CNTN5: variants seen among roughly 807,000 people sequenced by gnomAD.
The protein encoded by CNTN5 is contactin-5.
CNTN5 carries 77 observed loss-of-function variants against 129.1 expected under a neutral mutation model. The observed-to-expected ratio is 0.60, with a 90% CI of 0.50 to 0.72. The LOEUF is 0.72. CNTN5 is among the 30% of genes least tolerant of loss of function. CNTN5 has a pLI of 0.00. For missense variants in CNTN5, 1,478 were observed against 1,328.8 expected (o/e 1.11, Z -1.75); for synonymous variants, 509 against 465.6 (o/e 1.09, Z -1.20).
intron 3 of CNTN5, among the ~76,000 whole-genome samples, chr11:99,694,574 G>T (rs1023117592): frequency 1.1e-4 from 17 of 152,006 alleles, no homozygotes; most frequent in Non-Finnish European, 2.5e-4. Context: ...GAATATGCAG[G>T]TTTGTTACTT....
chr11:99,532,450 T>C (rs1245143081), intron 2 of CNTN5, among the ~76,000 whole-genome samples: 1 of 152,126 alleles, frequency 6.6e-6, no homozygotes, highest in Non-Finnish European at 1.5e-5. Flanking sequence ...TGGGGGACTG[T>C]TGGGAAGGTA....
chr11:99,852,535 G>A (rs1947904963), intron 6 of CNTN5, among the ~76,000 whole-genome samples: 1 of 152,058 alleles, frequency 6.6e-6, no homozygotes, highest in African/African-American at 2.4e-5. Context: ...ATCTGTTTTA[G>A]ACTACCCTCA....
intron 2 of CNTN5, among the ~76,000 whole-genome samples, chr11:99,524,534 G>A (rs186306515): frequency 9.7e-4 from 147 of 152,050 alleles, no homozygotes; most frequent in East Asian, 5.8e-4. Flanking sequence ...CTTATAGGCC[G>A]AGAGCAGTGG....
chr11:100,111,763 T>A (rs1163603320), intron 13 of CNTN5, among the ~76,000 whole-genome samples: 2 of 152,162 alleles, frequency 1.3e-5, no homozygotes, highest in Admixed American at 1.3e-4. Context: ...TTAACCGAAA[T>A]TTTATGCCTG....
intron 3 of CNTN5, among the ~76,000 whole-genome samples, chr11:99,725,793 T>G (rs1024609880): frequency 6.6e-6 from 1 of 152,172 alleles, no homozygotes. Flanking sequence ...CCATTTTGAA[T>G]GGTCCAGTGG....
chr11:99,969,217 G>A (rs758743070), intron 8 of CNTN5, among the ~76,000 whole-genome samples: 10 of 152,162 alleles, frequency 6.6e-5, no homozygotes, highest in Non-Finnish European at 8.8e-5. Flanking sequence ...TACTTAATAC[G>A]TGGTAACAAA....
chr11:99,145,275 G>A (rs1228402144), intron 1 of CNTN5, among the ~76,000 whole-genome samples: 1 of 151,926 alleles, frequency 6.6e-6, no homozygotes, highest in Admixed American at 6.6e-5. Context: ...TCACTATGTT[G>A]GCCAGGCTGG....
chr11:99,338,215 A>C (rs986877791), intron 2 of CNTN5, among the ~76,000 whole-genome samples: 2 of 152,194 alleles, frequency 1.3e-5, no homozygotes, highest in Non-Finnish European at 2.9e-5. Context: ...CTACTCATTT[A>C]AAAATGTTTG....
intron 1 of CNTN5, among the ~76,000 whole-genome samples, chr11:99,268,008 G>A (rs895105825): frequency 6.6e-6 from 1 of 150,958 alleles, no homozygotes; most frequent in African/African-American, 2.4e-5. Flanking sequence ...CCAAGAGCAT[G>A]GTGTCCACAT....
chr11:100,240,245 G>A (rs551349586), intron 16 of CNTN5, among the ~76,000 whole-genome samples: 2 of 132,664 alleles, frequency 1.5e-5, no homozygotes, highest in Non-Finnish European at 3.0e-5. Flanking sequence ...CCCGACCCCC[G>A]CCAGGGACTG....
intron 21 of CNTN5, among the ~76,000 whole-genome samples, chr11:100,325,126 C>T (rs532094464): frequency 6.6e-6 from 1 of 152,138 alleles, no homozygotes; most frequent in East Asian, 1.9e-4. Flanking sequence ...AAAATGTGCT[C>T]CCCACATATA....
intron 17 of CNTN5, among the ~76,000 whole-genome samples, chr11:100,265,324 A>G (rs561576968): frequency 6.6e-6 from 1 of 152,244 alleles, no homozygotes; most frequent in African/African-American, 2.4e-5. Context: ...AAGCCTGATG[A>G]GGAGCTGTCC....
chr11:99,985,104 C>T (rs2137380734), intron 8 of CNTN5, among the ~76,000 whole-genome samples: 1 of 152,244 alleles, frequency 6.6e-6, no homozygotes. Flanking sequence ...GTATTATCAG[C>T]TTACTTAGCC....
chr11:99,848,917 T>C (rs1014092719), intron 6 of CNTN5, among the ~76,000 whole-genome samples: 1 of 152,178 alleles, frequency 6.6e-6, no homozygotes, highest in Non-Finnish European at 1.5e-5. Flanking sequence ...CCAGTTCACT[T>C]TGGTGATTAA....
chr11:99,955,041 C>T (rs1950765347), intron 7 of CNTN5, among the ~76,000 whole-genome samples: 1 of 152,038 alleles, frequency 6.6e-6, no homozygotes, highest in Non-Finnish European at 1.5e-5. Context: ...GAATGATGTC[C>T]TGTAATTGTT....
chr11:100,112,745 T>C (rs1440042878), intron 13 of CNTN5, among the ~76,000 whole-genome samples: 3 of 152,076 alleles, frequency 2.0e-5, no homozygotes, highest in African/African-American at 7.2e-5. Context: ...CACAATTAAG[T>C]TTAAAAATAA....
intron 10 of CNTN5, among the ~76,000 whole-genome samples, chr11:100,067,264 G>T (rs1012515073): frequency 7.2e-5 from 11 of 152,040 alleles, no homozygotes; most frequent in African/African-American, 2.7e-4. Flanking sequence ...TAACTTCATT[G>T]TAACACAATC....
chr11:100,130,831 G>A (rs563079803), intron 13 of CNTN5, among the ~76,000 whole-genome samples: 1 of 152,128 alleles, frequency 6.6e-6, no homozygotes, highest in Admixed American at 6.6e-5. Context: ...CAGTTTTGGC[G>A]GGGGAAAATT....
At chr11:99,425,138 G>A (rs763747747) in intron 2 of CNTN5, among the ~76,000 whole-genome samples, 27 of 152,288 alleles carry the variant, frequency 1.8e-4, no homozygotes, top group Non-Finnish European at 3.4e-4. Flanking sequence ...GCTGAGTCTG[G>A]GGTTTTTATG....
Sources: allele counts gnomAD v4.1 joint callset (sites outside exome capture counted in the v4.1 genomes callset), GRCh38; gene constraint gnomAD v4.1.1; transcripts MANE v1.5; gene names NCBI Gene and HGNC (gene_info 2026-07-23, HGNC 2026-07-21).